Variants in CSMD1 observed in about 807,000 individuals in gnomAD.
The protein encoded by CSMD1 is CUB and Sushi multiple domains 1.
A neutral mutation model predicts 417.5 loss-of-function variants in CSMD1; 213 were observed. The observed-to-expected ratio is 0.51, with a 90% CI of 0.46 to 0.57. The LOEUF (loss-of-function observed/expected upper bound fraction) is 0.57. Ranked by LOEUF, CSMD1 falls within the 20% of genes least tolerant of loss-of-function variation. CSMD1 has a pLI of 0.00. For missense variants in CSMD1, 6,923 were observed against 4,529.7 expected (o/e 1.53, Z -15.17); for synonymous variants, 2,862 against 1,736.8 (o/e 1.65, Z -16.11).
At chr8:3,465,246 T>C (rs937650588) in intron 12 of CSMD1, among the ~76,000 whole-genome samples, 18 of 152,136 alleles carry the variant, frequency 1.2e-4, no homozygotes, top group Non-Finnish European at 2.6e-4. Context: ...TGGTTTTCAT[T>C]TCTCCACCCT....
intron 1 of CSMD1, among the ~76,000 whole-genome samples, chr8:4,950,243 TAGTC>T (rs1333220257): frequency 6.6e-6 from 1 of 152,168 alleles, no homozygotes; most frequent in Non-Finnish European, 1.5e-5. Flanking sequence ...AATACAAAAT[TAGTC>T]ATTTATGCCA....
At chr8:4,276,635 G>T (rs1348915436) in intron 3 of CSMD1, among the ~76,000 whole-genome samples, 3 of 152,166 alleles carry the variant, frequency 2.0e-5, no homozygotes, top group Admixed American at 6.5e-5. Context: ...AATTTTAAGT[G>T]AAGTAGTGAT....
chr8:4,290,249 G>C (rs184300310), intron 3 of CSMD1, among the ~76,000 whole-genome samples: 4 of 152,190 alleles, frequency 2.6e-5, no homozygotes, highest in Admixed American at 1.3e-4. Context: ...GTTTAGGCCC[G>C]AGGGTGATGT....
intron 3 of CSMD1, among the ~76,000 whole-genome samples, chr8:4,156,049 G>C (rs760434628): frequency 3.9e-5 from 6 of 152,122 alleles, no homozygotes; most frequent in Admixed American, 6.5e-5. Context: ...GAGCTCCATA[G>C]ATTCCTACAG....
At chr8:4,423,555 T>C (rs1362000814) in intron 2 of CSMD1, among the ~76,000 whole-genome samples, 1 of 152,040 alleles carries the variant, frequency 6.6e-6, no homozygotes, top group Non-Finnish European at 1.5e-5. Flanking sequence ...AAAGAAATGC[T>C]AAATAAATGG....
intron 1 of CSMD1, among the ~76,000 whole-genome samples, chr8:4,859,054 G>T (rs796146004): frequency 6.6e-6 from 1 of 151,822 alleles, no homozygotes; most frequent in African/African-American, 2.4e-5. Flanking sequence ...CATGGTACTG[G>T]TACCAAAACA....
chr8:3,992,627 T>C (rs1024312825), intron 5 of CSMD1, among the ~76,000 whole-genome samples: 4 of 152,038 alleles, frequency 2.6e-5, no homozygotes, highest in Non-Finnish European at 4.4e-5. Flanking sequence ...CTACAAAAAA[T>C]GTTTTAAAAA....
intron 3 of CSMD1, among the ~76,000 whole-genome samples, chr8:4,405,842 T>G (rs556804509): frequency 1.3e-5 from 2 of 152,184 alleles, no homozygotes; most frequent in East Asian, 3.9e-4. Context: ...AGACACAGCT[T>G]AGAAGTGATC....
chr8:4,801,225 G>T (rs17347911), intron 1 of CSMD1, among the ~76,000 whole-genome samples: 21,318 of 152,206 alleles, frequency 0.14, 1,905 homozygotes, highest in Non-Finnish European at 0.2. Context: ...TCTTATTGCG[G>T]CCACCTTGAG....
At chr8:4,241,811 C>T (rs932318131) in intron 3 of CSMD1, among the ~76,000 whole-genome samples, 3 of 151,700 alleles carry the variant, frequency 2.0e-5, no homozygotes, top group East Asian at 1.9e-4. Flanking sequence ...CCTGGGTTCA[C>T]GCCATTCTCC....
intron 1 of CSMD1, among the ~76,000 whole-genome samples, chr8:4,916,817 T>C (rs78123043): frequency 2.6e-5 from 4 of 152,352 alleles, no homozygotes; most frequent in Admixed American, 2.0e-4. Flanking sequence ...AAGTAGATAA[T>C]GCATTCAACA....
At chr8:3,746,670 G>C (rs1393747276) in intron 6 of CSMD1, among the ~76,000 whole-genome samples, 1 of 152,030 alleles carries the variant, frequency 6.6e-6, no homozygotes, top group South Asian at 2.1e-4. Context: ...TTCAACATTA[G>C]TAAGAAATTA....
In CSMD1 at chr8:4,844,075, T is replaced by C. The variant is rs539167697; in HGVS notation, c.85+150257A>G. On this transcript the variant is annotated intron_variant, in intron 1 of 69. Transcript: ENST00000635120. ...GTTAAATGCCTCAGCTTTCTATCTT[T>C]AGGGGAAAAATAATGCATGAAGTGT... Among the ~76,000 whole-genome samples, 6 of 152,326 alleles carry C rather than the reference T, an allele frequency of 3.9e-5. No homozygotes were observed. In the South Asian group the frequency reaches 6.2e-4, roughly 16 times the overall value.
intron 5 of CSMD1, among the ~76,000 whole-genome samples, chr8:3,931,358 T>C (rs1810124491): frequency 6.6e-6 from 1 of 150,604 alleles, no homozygotes; most frequent in African/African-American, 2.5e-5. Context: ...TCTCCCTCCC[T>C]CATTTCTCAG....
intron 5 of CSMD1, among the ~76,000 whole-genome samples, chr8:3,960,924 C>T (rs1812282866): frequency 6.6e-6 from 1 of 151,804 alleles, no homozygotes; most frequent in Non-Finnish European, 1.5e-5. Flanking sequence ...TAGATTATTC[C>T]TCTGGAATAA....
chr8:4,723,402 A>G lies in CSMD1; in HGVS notation c.86-85844T>C, dbSNP rs73659196. On this transcript the variant is annotated intron_variant, in intron 1 of 69. Transcript: ENST00000635120. ...AAACATGTTGCCATTTCTGAAAACAAAAAGAGGGTTTAATACTTTGGAGTA... is the reference window on the plus strand; with the variant it reads ...AAACATGTTGCCATTTCTGAAAACAGAAAGAGGGTTTAATACTTTGGAGTA... Among the ~76,000 whole-genome samples the G allele has an allele frequency of 0.013, 1,958 of 152,296 alleles. 62 individuals carry two copies. In the East Asian group the frequency reaches 0.13, roughly 10 times the overall value.
chr8:4,012,799 T>A (rs988341474), intron 4 of CSMD1, among the ~76,000 whole-genome samples: 1 of 152,180 alleles, frequency 6.6e-6, no homozygotes, highest in Admixed American at 6.5e-5. Context: ...CTTCTCCATC[T>A]CAATAAACGG....
At chr8:3,233,122 A>G (rs1461008282) in intron 26 of CSMD1, among the ~76,000 whole-genome samples, 1 of 150,984 alleles carries the variant, frequency 6.6e-6, no homozygotes, top group Non-Finnish European at 1.5e-5. Flanking sequence ...ATTTGGCCTA[A>G]TTTTTCTACT....
At chr8:3,567,005 GA>G (rs1799742430) in intron 10 of CSMD1, among the ~76,000 whole-genome samples, 1 of 152,194 alleles carries the variant, frequency 6.6e-6, no homozygotes. Context: ...ATTGACAATA[GA>G]AAATACATGG....
Sources: allele counts gnomAD v4.1 joint callset (sites outside exome capture counted in the v4.1 genomes callset), GRCh38; gene constraint gnomAD v4.1.1; transcripts MANE v1.5; gene names NCBI Gene and HGNC (gene_info 2026-07-23, HGNC 2026-07-21).